PLS1: variants seen among roughly 807,000 people sequenced by gnomAD.
The protein encoded by PLS1 is plastin 1, also known as plastin-1.
A neutral mutation model predicts 73.7 loss-of-function variants in PLS1; 32 were observed. The observed-to-expected ratio is 0.43, with a 90% CI of 0.33 to 0.58. The LOEUF is 0.58. PLS1 is among the 20% of genes least tolerant of loss of function. PLS1 has a pLI of 0.04. For synonymous variants in PLS1, 217 were observed against 261.3 expected, an observed-to-expected ratio of 0.83 and a Z score of 1.63; for missense variants, 633 against 740.5, an observed-to-expected ratio of 0.85 and a Z score of 1.68.
chr3:142,633,291 G>C (rs978842010), intron 1 of PLS1, among the ~76,000 whole-genome samples: 1 of 152,182 alleles, frequency 6.6e-6, no homozygotes, highest in African/African-American at 2.4e-5. Flanking sequence ...CAAAGTTATA[G>C]AGAACTGTTG....
At chr3:142,619,381 G>A (rs927866265) in intron 1 of PLS1, 2 of 152,082 alleles carry the variant, frequency 1.3e-5, no homozygotes, top group Admixed American at 1.3e-4. Context: ...CCAGCTGCTT[G>A]GTGTGCCCTT....
chr3:142,597,769 T>C (rs974152528), intron 1 of PLS1, among the ~76,000 whole-genome samples: 6 of 152,192 alleles, frequency 3.9e-5, no homozygotes. Context: ...TCTGGGGTCT[T>C]TTTACCACTC....
At chr3:142,613,117 T>C (rs1320256034) in intron 1 of PLS1, among the ~76,000 whole-genome samples, 3 of 152,122 alleles carry the variant, frequency 2.0e-5, no homozygotes, top group African/African-American at 7.2e-5. Context: ...AAAGAATCTA[T>C]TCTCATCCTG....
At chr3:142,633,849 C>G (rs896007098) in intron 1 of PLS1, among the ~76,000 whole-genome samples, 1 of 152,044 alleles carries the variant, frequency 6.6e-6, no homozygotes, top group African/African-American at 2.4e-5. Context: ...TTACCCATAA[C>G]TAGAAGAGAA....
At chr3:142,665,756 A>C (rs1011028487) in intron 2 of PLS1, among the ~76,000 whole-genome samples, 2 of 152,108 alleles carry the variant, frequency 1.3e-5, no homozygotes, top group Non-Finnish European at 2.9e-5. Flanking sequence ...TAATCTTGCA[A>C]TATTTATTTA....
chr3:142,621,145 A>G (rs1330930846), intron 1 of PLS1, among the ~76,000 whole-genome samples: 4 of 152,102 alleles, frequency 2.6e-5, no homozygotes, highest in African/African-American at 9.7e-5. Context: ...TTTTTTCAGT[A>G]TTTTTTTCCT....
At chr3:142,663,713 G>A (rs1001192801) in intron 1 of PLS1, among the ~76,000 whole-genome samples, 1 of 139,670 alleles carries the variant, frequency 7.2e-6, no homozygotes, top group Non-Finnish European at 1.5e-5. Flanking sequence ...GTAGGGGAAA[G>A]AATGTGGCAG....
At chr3:142,599,279 A>T (rs2035869669) in intron 1 of PLS1, among the ~76,000 whole-genome samples, 1 of 149,526 alleles carries the variant, frequency 6.7e-6, no homozygotes, top group South Asian at 2.1e-4. Context: ...GTAGCGCTTT[A>T]TCCAGACTAT....
intron 1 of PLS1, among the ~76,000 whole-genome samples, chr3:142,610,727 A>G (rs1285963984): frequency 2.0e-5 from 3 of 152,178 alleles, no homozygotes; most frequent in African/African-American, 7.2e-5. Context: ...TGGGCCACAC[A>G]GACTGGGGCA....
At chr3:142,653,814 C>CA (rs1245447039) in intron 1 of PLS1, among the ~76,000 whole-genome samples, 1 of 151,986 alleles carries the variant, frequency 6.6e-6, no homozygotes, top group Non-Finnish European at 1.5e-5. Flanking sequence ...CATCAAAGAG[C>CA]AATAATCATA....
chr3:142,681,425 T>A (rs2037854522), intron 6 of PLS1, among the ~76,000 whole-genome samples: 1 of 152,202 alleles, frequency 6.6e-6, no homozygotes, highest in African/African-American at 2.4e-5. Context: ...TGGTAATTTC[T>A]ATTAGTGATA....
intron 1 of PLS1, among the ~76,000 whole-genome samples, chr3:142,661,378 G>T (rs376783341): frequency 6.6e-6 from 1 of 152,040 alleles, no homozygotes; most frequent in Non-Finnish European, 1.5e-5. Flanking sequence ...TTAAATAGCG[G>T]ACAATAGTAT....
Position 142,711,545 on chromosome 3 carries a change from T to C in PLS1, c.1674T>C (p.Asp558=), listed in dbSNP as rs1226299987. 6.2e-7 allele frequency: 1 copy of C among 1,602,276 alleles called. No homozygotes were observed. Among genetic ancestry groups the C allele is most frequent in the Admixed American group, 1.7e-5 (1 of 59,968 alleles). ...STSLPVLDLI[D]AIAPNAVRQE... The stretch of plus-strand genomic sequence containing the variant: ...GTTTACCTGTCCTAGATTTAATAGA[T>C]GCCATTGCACCAAATGCAGTTCGTC... Residue 558 remains aspartate, a synonymous_variant, in exon 15 of 16, where the codon GAT becomes GAC. Transcript: ENST00000457734.
At chr3:142,647,739 T>C (rs796611248) in intron 1 of PLS1, among the ~76,000 whole-genome samples, 5 of 152,218 alleles carry the variant, frequency 3.3e-5, no homozygotes, top group African/African-American at 1.2e-4. Flanking sequence ...CCTGACCTCA[T>C]GCCTGTTCAT....
At chr3:142,686,153 A>G in intron 8 of PLS1, 131 bp from the exon 9 acceptor site, 5 of 626,132 alleles carry the variant, frequency 8.0e-6, no homozygotes, top group Non-Finnish European at 1.4e-5. Flanking sequence ...ACCTACAAGT[A>G]ATTCTTTATT....
intron 1 of PLS1, among the ~76,000 whole-genome samples, chr3:142,616,752 G>A (rs1039175295): frequency 1.3e-5 from 2 of 152,010 alleles, no homozygotes; most frequent in African/African-American, 4.8e-5. Flanking sequence ...ACAGGCACCC[G>A]CCGTCATGCC....
At chr3:142,618,483 A>T (rs1423978761) in intron 1 of PLS1, among the ~76,000 whole-genome samples, 1 of 152,238 alleles carries the variant, frequency 6.6e-6, no homozygotes, top group Non-Finnish European at 1.5e-5. Flanking sequence ...TTGCCAGGCT[A>T]AAGTCAACAC....
At chr3:142,621,089 C>G (rs1226816561) in intron 1 of PLS1, among the ~76,000 whole-genome samples, 1 of 152,088 alleles carries the variant, frequency 6.6e-6, no homozygotes, top group Non-Finnish European at 1.5e-5. Context: ...AGTGGCTTGG[C>G]ACCATATCTT....
At chr3:142,621,605 T>G (rs1478952935) in intron 1 of PLS1, among the ~76,000 whole-genome samples, 1 of 152,210 alleles carries the variant, frequency 6.6e-6, no homozygotes, top group Non-Finnish European at 1.5e-5. Flanking sequence ...TTCATACACA[T>G]GTGCATAGAA....
Sources: gnomAD v4.1 joint callset for allele counts (sites outside exome capture counted in the v4.1 genomes callset) on GRCh38, gnomAD v4.1.1 for gene constraint, MANE v1.5 for transcripts, NCBI Gene and HGNC (gene_info 2026-07-23, HGNC 2026-07-21) for gene names.